The following ETS1 variants were observed in gnomAD, a reference collection of about 807,000 sequenced individuals.
ETS1 encodes the protein ETS proto-oncogene 1, transcription factor.
In ETS1, 15 loss-of-function variants were observed where a neutral mutation model predicts 58.6. The ratio of observed to expected loss-of-function variants is 0.26; its 90% CI spans 0.17 to 0.39. The LOEUF is 0.39. ETS1 is among the 10% of genes least tolerant of loss of function. The pLI is 1.00. For missense variants in ETS1, 417 were observed against 610.5 expected (o/e 0.68, Z 3.34); for synonymous variants, 214 against 218.2 (o/e 0.98, Z 0.17).
chr11:128,483,811 T>C (rs566936857), intron 7 of ETS1, among the ~76,000 whole-genome samples: 2 of 152,314 alleles, frequency 1.3e-5, no homozygotes, highest in African/African-American at 4.8e-5. Flanking sequence ...TGGTCAGTCA[T>C]TGAGCAGAAA....
At chr11:128,524,966 C>T (rs911246776) in intron 3 of ETS1, among the ~76,000 whole-genome samples, 2 of 151,818 alleles carry the variant, frequency 1.3e-5, no homozygotes, top group African/African-American at 4.8e-5. Context: ...AGCAGCCAAG[C>T]GTTGCCTTTC....
chr11:128,481,314 T>A (rs1419581656), intron 7 of ETS1, among the ~76,000 whole-genome samples: 3 of 152,064 alleles, frequency 2.0e-5, no homozygotes, highest in African/African-American at 4.8e-5. Flanking sequence ...GACCACAAGA[T>A]CATGCAAGTT....
At chr11:128,474,856 C>G (rs1271692095) in intron 8 of ETS1, among the ~76,000 whole-genome samples, 1 of 152,226 alleles carries the variant, frequency 6.6e-6, no homozygotes. Context: ...TTCCCAAGCT[C>G]TTTTCCTCTT....
chr11:128,496,159 C>A (rs1309844553), intron 3 of ETS1, among the ~76,000 whole-genome samples: 1 of 152,048 alleles, frequency 6.6e-6, no homozygotes, highest in African/African-American at 2.4e-5. Flanking sequence ...AAAAAGCCTT[C>A]AAGTTACTTT....
At chr11:128,585,031 GAAAA>G (rs773181121) in intron 1 of ETS1, among the ~76,000 whole-genome samples, 86 of 6,432 alleles carry the variant, frequency 0.013, 4 homozygotes, top group East Asian at 0.053. Flanking sequence ...AAGAAAGAAA[GAAAA>G]GAAAGAAAGA....
Position 128,522,430 on chromosome 11 carries a change from G to A in ETS1, c.215-31854C>T, listed in dbSNP as rs1029167197. On this transcript the variant is annotated intron_variant, in intron 3 of 9. Transcript: ENST00000392668. ...CCCTGGGCCGGGCGATGTCCGCTTGGGGGAGCGAGGGGCGGGGCGTCGGGG... is the reference window on the plus strand; with the variant it reads ...CCCTGGGCCGGGCGATGTCCGCTTGAGGGAGCGAGGGGCGGGGCGTCGGGG... The A allele has an allele frequency of 1.6e-5, 13 of 826,726 alleles. No homozygotes were observed. In the Admixed American group the frequency reaches 6.8e-4, roughly 43 times the overall value. The allele number at this position is 826,726 out of a possible 1,614,324, so 51.2% of individuals were successfully genotyped here. A position where few individuals can be genotyped will look rare whatever the true frequency, so the allele number is the denominator to read the frequency against.
chr11:128,477,151 G>A (rs1319751094), intron 8 of ETS1, among the ~76,000 whole-genome samples: 1 of 152,198 alleles, frequency 6.6e-6, no homozygotes, highest in Non-Finnish European at 1.5e-5. Context: ...CAGGGAGATG[G>A]ATTCTCTTCC....
intron 3 of ETS1, among the ~76,000 whole-genome samples, chr11:128,548,809 C>G (rs1864179964): frequency 6.6e-6 from 1 of 152,224 alleles, no homozygotes; most frequent in Non-Finnish European, 1.5e-5. Context: ...CCGGGGTTAA[C>G]CCTCCCGCCC....
At chr11:128,583,435 C>G (rs901433789) in intron 1 of ETS1, among the ~76,000 whole-genome samples, 1 of 152,190 alleles carries the variant, frequency 6.6e-6, no homozygotes, top group Non-Finnish European at 1.5e-5. Flanking sequence ...TATCAAGAAA[C>G]TGGCAATGGT....
At chr11:128,462,673 GT>G in intron 9 of ETS1, 97 bp from the exon 10 acceptor site, 1 of 863,864 alleles carries the variant, frequency 1.2e-6, no homozygotes. Flanking sequence ...CCCATTCATG[GT>G]GACCCATGAT....
At chr11:128,511,857 G>A (rs1565389914) in intron 3 of ETS1, among the ~76,000 whole-genome samples, 1 of 152,194 alleles carries the variant, frequency 6.6e-6, no homozygotes, top group Non-Finnish European at 1.5e-5. Flanking sequence ...ATTTGCCCTG[G>A]AACCTTGGGA....
chr11:128,539,441 G>C (rs1043727167), intron 3 of ETS1, among the ~76,000 whole-genome samples: 2 of 152,104 alleles, frequency 1.3e-5, no homozygotes, highest in African/African-American at 4.8e-5. Flanking sequence ...AAACACGTGA[G>C]AAAAGCTCAA....
At chr11:128,555,989 A>T (rs4564353) in intron 3 of ETS1, among the ~76,000 whole-genome samples, 48,410 of 152,152 alleles carry the variant, frequency 0.32, 9,105 homozygotes, top group Non-Finnish European at 0.42. Flanking sequence ...GTGACTGCAA[A>T]ACTTCTAGGC....
At chr11:128,516,748 G>A (rs535329736) in intron 3 of ETS1, among the ~76,000 whole-genome samples, 2 of 152,118 alleles carry the variant, frequency 1.3e-5, no homozygotes, top group Non-Finnish European at 2.9e-5. Flanking sequence ...GGGAAAAAAC[G>A]AAATTTATAT....
intron 5 of ETS1, among the ~76,000 whole-genome samples, chr11:128,487,321 A>T (rs1444451555): frequency 1.3e-5 from 2 of 152,256 alleles, no homozygotes; most frequent in Admixed American, 1.3e-4. Flanking sequence ...TAATTCTCTT[A>T]AATTTTCTTA....
intron 3 of ETS1, among the ~76,000 whole-genome samples, chr11:128,527,588 C>T (rs191873941): frequency 1.3e-5 from 2 of 152,292 alleles, no homozygotes; most frequent in Admixed American, 1.3e-4. Flanking sequence ...TTAAATTGTC[C>T]TGAATTGGAC....
At chr11:128,480,900 A>C (rs1187039472) in intron 7 of ETS1, among the ~76,000 whole-genome samples, 1 of 152,234 alleles carries the variant, frequency 6.6e-6, no homozygotes, top group Non-Finnish European at 1.5e-5. Flanking sequence ...CAATGAGATG[A>C]CTTCAAAAGG....
intron 7 of ETS1, among the ~76,000 whole-genome samples, chr11:128,482,134 A>G (rs982652825): frequency 1.3e-5 from 2 of 152,174 alleles, no homozygotes; most frequent in Admixed American, 1.3e-4. Context: ...ATTCTTTCCC[A>G]TTTACCCACC....
rs1565378023 is a variant in ETS1 at position 128,489,503 on chromosome 11, A to G, written c.335-13T>C. The G allele has an allele frequency of 6.8e-6, 11 of 1,611,598 alleles. No homozygotes were observed. Among genetic ancestry groups the G allele is most frequent in the Non-Finnish European group, 8.5e-6 (10 of 1,178,612 alleles). ...CACTGCCGGGGGTCTGAGGAAAGAG[A>G]TCAGATGAAGATCCAGCAGGTCGGG... On this transcript the variant is annotated splice_polypyrimidine_tract_variant and intron_variant, in intron 4 of 9. Coordinates refer to ENST00000392668, the MANE Select transcript of ETS1 (RefSeq NM_001143820.2).
Sources: gnomAD v4.1 joint callset for allele counts (sites outside exome capture counted in the v4.1 genomes callset) on GRCh38, gnomAD v4.1.1 for gene constraint, MANE v1.5 for transcripts, NCBI Gene and HGNC (gene_info 2026-07-23, HGNC 2026-07-21) for gene names.